CMAS: variants seen among roughly 807,000 people sequenced by gnomAD.
CMAS encodes the protein cytidine monophosphate N-acetylneuraminic acid synthetase.
A neutral mutation model predicts 53.4 loss-of-function variants in CMAS; 21 were observed. The observed-to-expected ratio is 0.39, with a 90% CI of 0.28 to 0.57. CMAS has a LOEUF of 0.57. Ranked by LOEUF, CMAS falls within the 20% of genes least tolerant of loss-of-function variation. The pLI, the probability that CMAS is intolerant of heterozygous loss-of-function variation, is 0.56. For missense variants in CMAS, 384 were observed against 534.9 expected, an observed-to-expected ratio of 0.72 and a Z score of 2.78; for synonymous variants, 189 against 195.2, an observed-to-expected ratio of 0.97 and a Z score of 0.27.
intron 1 of CMAS, among the ~76,000 whole-genome samples, chr12:22,047,504 C>T (rs1950214331): frequency 6.6e-6 from 1 of 151,752 alleles, no homozygotes; most frequent in Admixed American, 6.6e-5. Flanking sequence ...ATTTGCTTAC[C>T]CATATTAATA....
chr12:22,060,399 T>A (rs1950301152), intron 4 of CMAS, among the ~76,000 whole-genome samples: 1 of 137,320 alleles, frequency 7.3e-6, no homozygotes, highest in Non-Finnish European at 1.5e-5. Flanking sequence ...CCCAGCACTT[T>A]GAGAGGCCAG....
chr12:22,058,788 A>G, intron 4 of CMAS, 88 bp downstream of exon 4: 2 of 1,446,504 alleles, frequency 1.4e-6, no homozygotes, highest in Admixed American at 2.3e-5. Flanking sequence ...CAATTTCTTT[A>G]TGATAAAGAA....
intron 7 of CMAS, among the ~76,000 whole-genome samples, chr12:22,063,605 T>C (rs887093190): frequency 7.3e-5 from 11 of 151,650 alleles, no homozygotes; most frequent in African/African-American, 1.2e-4. Context: ...ACTCTAGAAT[T>C]ATATGTGTCA....
At chr12:22,048,340 G>T (rs543288482) in intron 1 of CMAS, among the ~76,000 whole-genome samples, 4 of 152,286 alleles carry the variant, frequency 2.6e-5, no homozygotes, top group African/African-American at 7.2e-5. Flanking sequence ...CTTAGCTCTG[G>T]ATAGACCCTT....
At chr12:22,061,050 C>G in intron 5 of CMAS, 124 bp downstream of exon 5, 1 of 722,588 alleles carries the variant, frequency 1.4e-6, no homozygotes, top group South Asian at 1.8e-5. Context: ...GTGAGGAAGA[C>G]ATGTAAAATA....
intron 2 of CMAS, 74 bp from the exon 3 acceptor site, chr12:22,055,381 C>A: frequency 6.7e-7 from 1 of 1,483,926 alleles, no homozygotes; most frequent in Non-Finnish European, 9.1e-7. Flanking sequence ...CATTTGAATT[C>A]CAAACCTTAA....
chr12:22,047,469 C>T (rs949467614), intron 1 of CMAS, among the ~76,000 whole-genome samples: 4 of 152,086 alleles, frequency 2.6e-5, no homozygotes, highest in Non-Finnish European at 5.9e-5. Flanking sequence ...TTTTTGAAGT[C>T]ATCTCTTTTT....
chr12:22,053,400 CATATACACATTAT>C (rs1158556891), intron 1 of CMAS, among the ~76,000 whole-genome samples: 1,908 of 149,582 alleles, frequency 0.013, 40 homozygotes, highest in African/African-American at 0.044. Context: ...TACACACACA[CATATACACATTAT>C]ATATACACAT....
At chr12:22,054,459 A>G (rs1016465965) in intron 1 of CMAS, among the ~76,000 whole-genome samples, 1 of 152,182 alleles carries the variant, frequency 6.6e-6, no homozygotes, top group Non-Finnish European at 1.5e-5. Context: ...GTTGTTATCA[A>G]TGGCTATAAC....
intron 7 of CMAS, 149 bp downstream of exon 7, chr12:22,062,583 A>G (rs868292067): frequency 2.7e-5 from 21 of 779,800 alleles, no homozygotes; most frequent in Middle Eastern, 5.5e-4. Context: ...TCAAACTGTT[A>G]AACTGGGACA....
At chr12:22,062,479 A>AATT in intron 7 of CMAS, 45 bp downstream of exon 7, 1 of 1,509,422 alleles carries the variant, frequency 6.6e-7, no homozygotes, top group Admixed American at 2.0e-5. Context: ...ACCAGGAATT[A>AATT]ATTATTTACT....
chr12:22,049,202 T>C (rs1236608730), intron 1 of CMAS, among the ~76,000 whole-genome samples: 1 of 152,194 alleles, frequency 6.6e-6, no homozygotes, highest in African/African-American at 2.4e-5. Flanking sequence ...AAGAGGAACA[T>C]AGTGCTTGTA....
intron 4 of CMAS, among the ~76,000 whole-genome samples, chr12:22,059,699 T>G (rs999419349): frequency 6.6e-6 from 1 of 152,190 alleles, no homozygotes; most frequent in African/African-American, 2.4e-5. Flanking sequence ...TAGTTAAATT[T>G]AAGTGTTCAG....
At chr12:22,054,032 TC>T (rs1031732322) in intron 1 of CMAS, among the ~76,000 whole-genome samples, 2 of 151,358 alleles carry the variant, frequency 1.3e-5, no homozygotes, top group African/African-American at 4.9e-5. Flanking sequence ...GTTCAAGCGA[TC>T]CTCCTGTCTC....
At chr12:22,060,754 G>A (rs1565531582) in intron 4 of CMAS, 78 bp from the exon 5 acceptor site, 23 of 807,936 alleles carry the variant, frequency 2.8e-5, no homozygotes, top group Non-Finnish European at 5.0e-5. Context: ...TGAATTCATT[G>A]TTCTGTATTA....
chr12:22,055,546 A>T lies in CMAS; in HGVS notation c.495A>T (p.Gly165=). Residue 165 remains glycine, a synonymous_variant, in exon 3 of 8, where the codon GGA becomes GGT. Transcript: ENST00000229329. The part of the protein sequence containing the change: ...QKVAEMIREE[G]YDSVFSVVRR... ...TTGCAGAAATGATTCGAGAAGAAGG[A>T]TATGATTCTGTTTTCTCTGTTGTGA... 6.2e-7 allele frequency: 1 copy of T among 1,612,654 alleles called. No individual in the cohort carries two copies.
In CMAS at chr12:22,060,333, T is replaced by TAAAAAAAAAAAAAAAAAAAA. The variant is rs58755366; in HGVS notation, c.694-491_694-472dup. 3.5e-4 allele frequency among the ~76,000 whole-genome samples: 19 copies of TAAAAAAAAAAAAAAAAAAAA among 54,136 alleles called. 3 individuals are homozygous for TAAAAAAAAAAAAAAAAAAAA. Among genetic ancestry groups the TAAAAAAAAAAAAAAAAAAAA allele is most frequent in the East Asian group, 7.0e-4 (1 of 1,422 alleles). The allele number at this position is 54,136 out of a possible 152,430, so 35.5% of individuals were successfully genotyped here. A position where few individuals can be genotyped will look rare whatever the true frequency, so the allele number is the denominator to read the frequency against. Reference sequence around the variant, plus strand: ...ATTTCTTTTGTGTGAGCTTTCTCCTTAAAAAAAAAAAAAAAAAAAAAAAAA... The same window carrying TAAAAAAAAAAAAAAAAAAAA: ...ATTTCTTTTGTGTGAGCTTTCTCCTTAAAAAAAAAAAAAAAAAAAAAAAAAAAAAAAAAAAAAAAAAAAAA... On this transcript the variant is annotated intron_variant, in intron 4 of 7. Coordinates refer to ENST00000229329, the MANE Select transcript of CMAS (RefSeq NM_018686.6).
chr12:22,063,426 T>TTA (rs1422256110), intron 7 of CMAS, among the ~76,000 whole-genome samples: 1 of 152,206 alleles, frequency 6.6e-6, no homozygotes, highest in African/African-American at 2.4e-5. Context: ...ACTATACTTA[T>TTA]TATCTTTCTT....
chr12:22,048,133 CACTGTTGTATGT>C (rs1362175632), intron 1 of CMAS, among the ~76,000 whole-genome samples: 11 of 152,296 alleles, frequency 7.2e-5, no homozygotes, highest in Admixed American at 3.9e-4. Context: ...ATGTAACAGG[CACTGTTGTATGT>C]ACCGAACCAC....
Sources: allele counts gnomAD v4.1 joint callset (sites outside exome capture counted in the v4.1 genomes callset), GRCh38; gene constraint gnomAD v4.1.1; transcripts MANE v1.5; gene names NCBI Gene and HGNC (gene_info 2026-07-23, HGNC 2026-07-21).